Variants in KHDRBS2 observed in about 807,000 individuals in gnomAD.
KHDRBS2 encodes the protein KH RNA binding domain containing, signal transduction associated 2.
Under a neutral mutation model 44.3 loss-of-function variants are expected in KHDRBS2, and 26 were observed. The ratio of observed to expected loss-of-function variants is 0.59; its 90% confidence interval spans 0.43 to 0.81. KHDRBS2 has a LOEUF of 0.81. KHDRBS2 is among the 40% of genes least tolerant of loss of function. The pLI is 0.00. For synonymous variants in KHDRBS2, 194 were observed against 151.1 expected (o/e 1.28, Z -2.08); for missense variants, 476 against 433.1 (o/e 1.10, Z -0.88).
At chr6:61,675,353 G>C (rs1427873604), downstream of KHDRBS2, among the ~76,000 whole-genome samples, 1 of 151,614 alleles carries the variant, frequency 6.6e-6, no homozygotes, top group Non-Finnish European at 1.5e-5. Flanking sequence ...TTTAAAAACT[G>C]TTAGTGCTTC....
intron 4 of KHDRBS2, among the ~76,000 whole-genome samples, chr6:61,930,226 C>A (rs1008314938): frequency 1.3e-5 from 2 of 152,058 alleles, no homozygotes; most frequent in African/African-American, 4.8e-5. Flanking sequence ...ATTAAACTCC[C>A]CAGGCTCCAG....
At chr6:61,956,884 A>G (rs781032034) in intron 4 of KHDRBS2, among the ~76,000 whole-genome samples, 1 of 146,460 alleles carries the variant, frequency 6.8e-6, no homozygotes, top group African/African-American at 2.6e-5. Context: ...TGCATAGCAA[A>G]CATTCCATAG....
chr6:62,175,514 C>T (rs1289111480), intron 2 of KHDRBS2, among the ~76,000 whole-genome samples: 4 of 151,416 alleles, frequency 2.6e-5, no homozygotes, highest in Non-Finnish European at 5.9e-5. Flanking sequence ...ATAACAGAAG[C>T]ATGACCTTGA....
intron 3 of KHDRBS2, among the ~76,000 whole-genome samples, chr6:62,046,689 T>G (rs1469446606): frequency 6.6e-6 from 1 of 151,956 alleles, no homozygotes; most frequent in African/African-American, 2.4e-5. Flanking sequence ...AAAGCTTATC[T>G]CATGTCTAGA....
chr6:62,151,231 C>T (rs2150105559), intron 2 of KHDRBS2, among the ~76,000 whole-genome samples: 1 of 152,232 alleles, frequency 6.6e-6, no homozygotes, highest in South Asian at 2.1e-4. Flanking sequence ...GAACACAAGG[C>T]TAAAACTTGC....
intron 4 of KHDRBS2, among the ~76,000 whole-genome samples, chr6:61,947,293 G>C (rs1813573837): frequency 1.3e-5 from 2 of 152,038 alleles, no homozygotes. Flanking sequence ...ATAATAATTT[G>C]GAAAAGACTG....
At chr6:61,789,617 GAC>G (rs376637541) in intron 6 of KHDRBS2, among the ~76,000 whole-genome samples, 202 of 151,470 alleles carry the variant, frequency 1.3e-3, no homozygotes, top group African/African-American at 4.8e-3. Flanking sequence ...TTTTGTTTTT[GAC>G]ACACAAAAAA....
At chr6:61,664,496 T>C in the KHDRBS2 span, among the ~76,000 whole-genome samples, 1 of 151,848 alleles carries the variant, frequency 6.6e-6, no homozygotes, top group East Asian at 2.0e-4. Flanking sequence ...AAAACAGGCA[T>C]CCTTTAACAC....
At chr6:62,123,139 A>C (rs1484735621) in intron 2 of KHDRBS2, among the ~76,000 whole-genome samples, 6 of 152,160 alleles carry the variant, frequency 3.9e-5, no homozygotes, top group Non-Finnish European at 8.8e-5. Context: ...ATGAGTGAGA[A>C]CATGCGGTGT....
chr6:61,949,770 AATTT>A (rs1301155003), intron 4 of KHDRBS2, among the ~76,000 whole-genome samples: 3 of 152,200 alleles, frequency 2.0e-5, no homozygotes, highest in African/African-American at 4.8e-5. Flanking sequence ...TATCAACAGC[AATTT>A]ATTTATATTA....
Position 62,209,295 on chromosome 6 carries a change from CA to C in KHDRBS2, c.92-31984del, listed in dbSNP as rs1456605076. On this transcript the variant is annotated intron_variant, in intron 1 of 8. Coordinates refer to ENST00000281156, the MANE Select transcript of KHDRBS2 (RefSeq NM_152688.4). ...ACTCCTCTTTTGGTAGTGGAAATAA[CA>C]AAGTCAAAAGAGAAAAAGATTTGAA... Among the ~76,000 whole-genome samples the C allele has an allele frequency of 2.0e-5, 3 of 151,996 alleles. No individual in the cohort carries two copies. In the East Asian group the frequency reaches 5.8e-4, roughly 29 times the overall value.
intron 3 of KHDRBS2, among the ~76,000 whole-genome samples, chr6:62,021,650 A>G (rs1388523598): frequency 1.3e-5 from 2 of 151,658 alleles, no homozygotes; most frequent in Admixed American, 6.6e-5. Context: ...GTTATTCTTA[A>G]TTATATTCTT....
the KHDRBS2 span, among the ~76,000 whole-genome samples, chr6:61,646,525 G>A: frequency 3.3e-5 from 5 of 152,086 alleles, no homozygotes; most frequent in South Asian, 2.1e-4. Context: ...TGGTAATTAT[G>A]GAGACACATG....
At chr6:61,735,594 C>T (rs1474806227) in intron 6 of KHDRBS2, among the ~76,000 whole-genome samples, 2 of 152,142 alleles carry the variant, frequency 1.3e-5, no homozygotes, top group African/African-American at 2.4e-5. Flanking sequence ...CCTTTTATTG[C>T]TTCCCAAAAT....
the KHDRBS2 span, among the ~76,000 whole-genome samples, chr6:61,637,378 G>T: frequency 6.6e-6 from 1 of 152,086 alleles, no homozygotes; most frequent in Non-Finnish European, 1.5e-5. Flanking sequence ...ATTTTTTATG[G>T]CTGCATAGTA....
Position 61,780,465 on chromosome 6 carries a change from T to A in KHDRBS2, c.811-47701A>T, listed in dbSNP as rs1782766397. 2.6e-5 allele frequency among the ~76,000 whole-genome samples: 4 copies of A among 152,112 alleles called. No homozygotes were observed. In the South Asian group the frequency reaches 8.3e-4, roughly 32 times the overall value. ...CAAATCACACCAGTACACTTCAGCC[T>A]GGGCGACAGAGCCAGACTCTTTCTG... On this transcript the variant is annotated intron_variant, in intron 6 of 8. Transcript: ENST00000281156.
chr6:61,564,068 G>A, the KHDRBS2 span, among the ~76,000 whole-genome samples: 6 of 152,186 alleles, frequency 3.9e-5, no homozygotes, highest in African/African-American at 1.4e-4. Context: ...CCACAAGATC[G>A]TCAGTTTGGA....
At chr6:61,836,979 C>T (rs1792792057) in intron 6 of KHDRBS2, among the ~76,000 whole-genome samples, 1 of 151,790 alleles carries the variant, frequency 6.6e-6, no homozygotes, top group African/African-American at 2.4e-5. Flanking sequence ...ATCTATTGTG[C>T]AGTACTGGCA....
At chr6:62,044,797 T>G (rs1468300944) in intron 3 of KHDRBS2, among the ~76,000 whole-genome samples, 1 of 152,106 alleles carries the variant, frequency 6.6e-6, no homozygotes, top group Non-Finnish European at 1.5e-5. Context: ...ATCTAAATTT[T>G]AAACATGGCT....
Sources: gnomAD v4.1 joint callset for allele counts (sites outside exome capture counted in the v4.1 genomes callset) on GRCh38, gnomAD v4.1.1 for gene constraint, MANE v1.5 for transcripts, NCBI Gene and HGNC (gene_info 2026-07-23, HGNC 2026-07-21) for gene names.